The following SLC39A11 variants were observed in gnomAD, a reference collection of about 807,000 sequenced individuals.
The protein encoded by SLC39A11 is zinc transporter ZIP11.
SLC39A11 carries 33 observed loss-of-function variants against 36.1 expected under a neutral mutation model. The ratio of observed to expected loss-of-function variants is 0.91; its 90% CI spans 0.69 to 1.22. SLC39A11 has a LOEUF of 1.22. Among genes scored for constraint, SLC39A11 ranks in the 50% most tolerant of loss-of-function variants. The probability of loss-of-function intolerance (pLI) is 0.00; values close to 1 mark genes in which losing one functional copy is unlikely to be tolerated. For synonymous variants in SLC39A11, 166 were observed against 170.3 expected, an observed-to-expected ratio of 0.97 and a Z score of 0.20; for missense variants, 432 against 430.3, an observed-to-expected ratio of 1.00 and a Z score of -0.03.
chr17:72,648,974 CAG>C lies in SLC39A11; in HGVS notation c.771-15_771-14del. The C allele has an allele frequency of 6.2e-7, 1 of 1,606,908 alleles. No homozygotes were observed. The stretch of plus-strand genomic sequence containing the variant: ...CAGCTGCCCATACCTAAGGAGAGAA[CAG>C]AGACATTTACCACCGCAGGGGGAGG... On this transcript the variant is annotated splice_polypyrimidine_tract_variant and intron_variant, in intron 8 of 9. Coordinates refer to ENST00000255559, the MANE Select transcript of SLC39A11 (RefSeq NM_139177.4).
chr17:73,035,988 G>A (rs1468744705), intron 3 of SLC39A11, among the ~76,000 whole-genome samples: 3 of 151,826 alleles, frequency 2.0e-5, no homozygotes, highest in African/African-American at 7.3e-5. Flanking sequence ...ATGAAGAAAA[G>A]GCCATCTGCT....
intron 5 of SLC39A11, among the ~76,000 whole-genome samples, chr17:72,879,566 G>A (rs1347111072): frequency 6.6e-6 from 1 of 152,136 alleles, no homozygotes; most frequent in Non-Finnish European, 1.5e-5. Flanking sequence ...GCTCTGTGAG[G>A]ACAGGAGGTT....
rs568832461 is a variant in SLC39A11 at position 72,983,122 on chromosome 17, TTTG to T, written c.307-35250_307-35248del. 5.5e-3 allele frequency among the ~76,000 whole-genome samples: 836 copies of T among 152,000 alleles called. 8 individuals carry two copies. Among genetic ancestry groups the T allele is most frequent in the African/African-American group, 0.018 (765 of 41,406 alleles). ...TGATGGAATAGTACCCAGGGTGTTT[TTTG>T]TTGTTGTTTTTTGTTTGTTTATTTG... On this transcript the variant is annotated intron_variant, in intron 4 of 9. Transcript: ENST00000255559.
At chr17:72,702,242 G>A (rs2072679128) in intron 7 of SLC39A11, among the ~76,000 whole-genome samples, 1 of 152,202 alleles carries the variant, frequency 6.6e-6, no homozygotes, top group Admixed American at 6.5e-5. Flanking sequence ...CCAAAGATAG[G>A]AGGCTACTGT....
At chr17:72,743,524 T>C (rs2074803915) in intron 6 of SLC39A11, among the ~76,000 whole-genome samples, 1 of 152,022 alleles carries the variant, frequency 6.6e-6, no homozygotes, top group South Asian at 2.1e-4. Context: ...CACGCTGCCT[T>C]AGGAGGCATC....
At chr17:72,650,609 C>G (rs2069804371) in intron 7 of SLC39A11, among the ~76,000 whole-genome samples, 1 of 152,204 alleles carries the variant, frequency 6.6e-6, no homozygotes, top group Admixed American at 6.5e-5. Flanking sequence ...GAAGGGCCAT[C>G]TGATCAACAA....
chr17:72,924,831 G>A (rs747047233), intron 5 of SLC39A11, among the ~76,000 whole-genome samples: 10 of 151,802 alleles, frequency 6.6e-5, no homozygotes, highest in South Asian at 2.1e-4. Context: ...GTGAAACCCC[G>A]TCTCTACTAC....
At chr17:73,088,621 C>T (rs377302259) in intron 2 of SLC39A11, 36 bp downstream of exon 2, 2 of 1,565,590 alleles carry the variant, frequency 1.3e-6, no homozygotes, top group African/African-American at 1.4e-5. Context: ...CAACGGGCTC[C>T]CCACCAACAT....
chr17:72,886,784 C>T (rs748604925), intron 5 of SLC39A11, among the ~76,000 whole-genome samples: 6 of 152,216 alleles, frequency 3.9e-5, no homozygotes, highest in Non-Finnish European at 7.3e-5. Context: ...CTCAAATACA[C>T]CAAGCACCTA....
chr17:72,847,630 C>T (rs1002867620), intron 6 of SLC39A11, among the ~76,000 whole-genome samples: 4 of 152,062 alleles, frequency 2.6e-5, no homozygotes, highest in Non-Finnish European at 5.9e-5. Context: ...TAATTAAACA[C>T]ATAGTGCTTT....
At chr17:73,090,556 G>A (rs1317254241) in intron 1 of SLC39A11, among the ~76,000 whole-genome samples, 2 of 152,176 alleles carry the variant, frequency 1.3e-5, no homozygotes, top group African/African-American at 4.8e-5. Flanking sequence ...ATTTCAAACA[G>A]CATTTACAAA....
intron 5 of SLC39A11, among the ~76,000 whole-genome samples, chr17:72,887,341 T>C (rs1285900315): frequency 6.6e-6 from 1 of 152,168 alleles, no homozygotes; most frequent in Non-Finnish European, 1.5e-5. Flanking sequence ...ACAGAGAAAG[T>C]GCATCGAAAC....
chr17:73,083,923 T>C (rs1049629557), intron 3 of SLC39A11, among the ~76,000 whole-genome samples: 3 of 152,212 alleles, frequency 2.0e-5, no homozygotes, highest in African/African-American at 4.8e-5. Context: ...TGTGATTATG[T>C]TTATTTTTAA....
chr17:72,984,138 C>A (rs1264881030), intron 4 of SLC39A11, among the ~76,000 whole-genome samples: 1 of 152,078 alleles, frequency 6.6e-6, no homozygotes, highest in Non-Finnish European at 1.5e-5. Flanking sequence ...AAACAGGAGG[C>A]AGGCCCATCG....
chr17:73,078,130 C>A (rs1377089076), intron 3 of SLC39A11, among the ~76,000 whole-genome samples: 1 of 150,888 alleles, frequency 6.6e-6, no homozygotes, highest in Non-Finnish European at 1.5e-5. Flanking sequence ...CCCAGCTACT[C>A]GGGAGGCTGA....
At chr17:72,767,855 T>C (rs191610929) in intron 6 of SLC39A11, among the ~76,000 whole-genome samples, 17 of 152,096 alleles carry the variant, frequency 1.1e-4, no homozygotes, top group East Asian at 1.9e-4. Context: ...GACCAAAGCA[T>C]TGGAGTAAGA....
chr17:72,797,262 C>T (rs747119901), intron 6 of SLC39A11, among the ~76,000 whole-genome samples: 3 of 152,100 alleles, frequency 2.0e-5, no homozygotes, highest in Non-Finnish European at 4.4e-5. Flanking sequence ...GTAGCCATGT[C>T]CCTGAGGAAT....
chr17:72,654,786 G>GCC (rs2070028518), intron 7 of SLC39A11, among the ~76,000 whole-genome samples: 1 of 152,208 alleles, frequency 6.6e-6, no homozygotes, highest in Non-Finnish European at 1.5e-5. Flanking sequence ...TTCACAGGCA[G>GCC]GCACACGAAG....
chr17:72,962,378 TCTC>T (rs1187014885), intron 4 of SLC39A11, among the ~76,000 whole-genome samples: 1 of 152,142 alleles, frequency 6.6e-6, no homozygotes, highest in Non-Finnish European at 1.5e-5. Flanking sequence ...GGGGCTTTGA[TCTC>T]CTCTGAGGCT....
Sources: gnomAD v4.1 joint callset for allele counts (sites outside exome capture counted in the v4.1 genomes callset) on GRCh38, gnomAD v4.1.1 for gene constraint, MANE v1.5 for transcripts, NCBI Gene and HGNC (gene_info 2026-07-23, HGNC 2026-07-21) for gene names.